GPR107: variants seen among roughly 807,000 people sequenced by gnomAD.
GPR107 encodes the protein protein GPR107.
In GPR107, 31 loss-of-function variants were observed where a neutral mutation model predicts 75.5. The observed-to-expected ratio is 0.41, with a 90% CI of 0.31 to 0.55. The LOEUF (loss-of-function observed/expected upper bound fraction) is 0.55, where lower values mean the gene tolerates loss of function less well. GPR107 is among the 20% of genes least tolerant of loss of function. GPR107 has a pLI of 0.26. For missense variants in GPR107, 572 were observed against 665.7 expected (o/e 0.86, Z 1.55); for synonymous variants, 267 against 251.3 (o/e 1.06, Z -0.59).
chr9:130,066,171 C>T (rs1313061099), intron 1 of GPR107, among the ~76,000 whole-genome samples: 2 of 151,648 alleles, frequency 1.3e-5, no homozygotes, highest in East Asian at 3.9e-4. Context: ...TGGTGGTGTG[C>T]ACCTGTAATC....
chr9:130,108,750 C>T, intron 14 of GPR107: 1 of 455,962 alleles, frequency 2.2e-6, no homozygotes, highest in South Asian at 1.5e-5. Flanking sequence ...CCCGTTTTCT[C>T]ATTTTTTTCC....
At chr9:130,115,631 G>A (rs1436025043) in intron 14 of GPR107, among the ~76,000 whole-genome samples, 2 of 151,948 alleles carry the variant, frequency 1.3e-5, no homozygotes, top group Non-Finnish European at 2.9e-5. Context: ...CTGGCGTGGT[G>A]GTGGGTGCCT....
At chr9:130,127,305 A>C (rs888035361) in intron 15 of GPR107, among the ~76,000 whole-genome samples, 178 bp from the exon 16 acceptor site, 1 of 152,202 alleles carries the variant, frequency 6.6e-6, no homozygotes, top group Non-Finnish European at 1.5e-5. Context: ...TTCAAGTGTA[A>C]CTAGCAGAGT....
intron 17 of GPR107, among the ~76,000 whole-genome samples, chr9:130,130,714 A>C (rs1042507075): frequency 6.6e-6 from 1 of 152,082 alleles, no homozygotes; most frequent in Non-Finnish European, 1.5e-5. Context: ...TACTAAAAAT[A>C]CAAAAATTAG....
intron 6 of GPR107, among the ~76,000 whole-genome samples, chr9:130,084,047 C>CATATATATAT (rs139002438): frequency 0.14 from 18,659 of 130,522 alleles, 1,616 homozygotes; most frequent in Non-Finnish European, 0.18. Context: ...AGAGAGCTAA[C>CATATATATAT]ATATATATAT....
At chr9:130,114,530 G>A (rs1438154861) in intron 14 of GPR107, 1 of 412,994 alleles carries the variant, frequency 2.4e-6, no homozygotes. Flanking sequence ...TTACAGGCAT[G>A]CACTACCATG....
At chr9:130,128,856 G>A (rs1176206997) in intron 17 of GPR107, 95 bp downstream of exon 17, 8 of 1,137,290 alleles carry the variant, frequency 7.0e-6, no homozygotes, top group South Asian at 2.7e-5. Flanking sequence ...TCAGCATTTC[G>A]TGGCTGCAGG....
intron 4 of GPR107, among the ~76,000 whole-genome samples, chr9:130,078,017 T>G (rs553628520): frequency 1.3e-5 from 2 of 151,830 alleles, no homozygotes; most frequent in Admixed American, 6.6e-5. Flanking sequence ...TACAAAAAAT[T>G]AGCCGGGCGT....
At chr9:130,097,249 A>C (rs1281390115) in intron 9 of GPR107, among the ~76,000 whole-genome samples, 6 of 142,856 alleles carry the variant, frequency 4.2e-5, no homozygotes, top group Non-Finnish European at 9.0e-5. Flanking sequence ...CCACCTCCTG[A>C]GTGCAAGCGA....
chr9:130,131,098 T>A (rs1831817759), intron 17 of GPR107, among the ~76,000 whole-genome samples: 1 of 152,150 alleles, frequency 6.6e-6, no homozygotes, highest in South Asian at 2.1e-4. Context: ...GTTCGGTCCC[T>A]TAAGTGTTTG....
At chr9:130,109,561 CT>C (rs869132098) in intron 14 of GPR107, among the ~76,000 whole-genome samples, 3 of 119,380 alleles carry the variant, frequency 2.5e-5, no homozygotes, top group Non-Finnish European at 5.1e-5. Flanking sequence ...AACAGGTAGT[CT>C]TTTTCTTTCT....
chr9:130,084,047 C>CATATATATATATATATATAT lies in GPR107; in HGVS notation c.564+448_564+467dup, dbSNP rs139002438. 3.6e-3 allele frequency among the ~76,000 whole-genome samples: 473 copies of CATATATATATATATATATAT among 130,848 alleles called. 4 individuals are homozygous for CATATATATATATATATATAT. Among genetic ancestry groups the CATATATATATATATATATAT allele is most frequent in the East Asian group, 6.1e-3 (28 of 4,612 alleles). 85.8% of individuals were successfully genotyped at this position (130,848 alleles called of 152,430 possible). Reference sequence around the variant, plus strand: ...TGGAACCTGCAATACAGAGAGCTAACATATATATATATATATATATATGTA... The same window carrying CATATATATATATATATATAT: ...TGGAACCTGCAATACAGAGAGCTAACATATATATATATATATATATATATATATATATATATATATATGTA... On this transcript the variant is annotated intron_variant, in intron 6 of 17. Coordinates refer to ENST00000347136, the MANE Select transcript of GPR107 (RefSeq NM_020960.5).
At chr9:130,099,179 G>A (rs894688989) in intron 9 of GPR107, among the ~76,000 whole-genome samples, 1 of 152,024 alleles carries the variant, frequency 6.6e-6, no homozygotes, top group Admixed American at 6.6e-5. Context: ...TGGGCATGGT[G>A]GCATACACCT....
At chr9:130,127,805 C>A (rs147959292) in intron 16 of GPR107, among the ~76,000 whole-genome samples, 19 of 152,146 alleles carry the variant, frequency 1.2e-4, no homozygotes, top group African/African-American at 4.6e-4. Flanking sequence ...CGGGTTCAAG[C>A]GATTCTCCTG....
At chr9:130,091,515 G>T in intron 8 of GPR107, among the ~76,000 whole-genome samples, 1 of 147,298 alleles carries the variant, frequency 6.8e-6, no homozygotes, top group Non-Finnish European at 1.5e-5. Flanking sequence ...GTGGTTATTT[G>T]CTGGTACTCA....
At chr9:130,077,622 G>C (rs1471781534) in intron 4 of GPR107, among the ~76,000 whole-genome samples, 1 of 152,198 alleles carries the variant, frequency 6.6e-6, no homozygotes, top group African/African-American at 2.4e-5. Context: ...AAAGGAAGGA[G>C]AGGCTTCAGA....
chr9:130,118,379 CAG>C (rs1831476073), intron 14 of GPR107, among the ~76,000 whole-genome samples: 1 of 152,196 alleles, frequency 6.6e-6, no homozygotes, highest in Non-Finnish European at 1.5e-5. Flanking sequence ...TCAGAGAGGA[CAG>C]GGGACCACCT....
chr9:130,060,559 A>G (rs1022986067), intron 1 of GPR107, among the ~76,000 whole-genome samples: 5 of 152,148 alleles, frequency 3.3e-5, no homozygotes, highest in Middle Eastern at 3.4e-3. Context: ...AGCTAAGACT[A>G]CAGATGCTTG....
chr9:130,125,745 A>G (rs1035659178), intron 15 of GPR107, among the ~76,000 whole-genome samples: 1 of 151,630 alleles, frequency 6.6e-6, no homozygotes, highest in Non-Finnish European at 1.5e-5. Context: ...TGTTTTATTC[A>G]TTTAAAAAAT....
Sources: allele counts gnomAD v4.1 joint callset (sites outside exome capture counted in the v4.1 genomes callset), GRCh38; gene constraint gnomAD v4.1.1; transcripts MANE v1.5; gene names NCBI Gene and HGNC (gene_info 2026-07-23, HGNC 2026-07-21).